Variants in CBX5 observed in about 807,000 individuals in gnomAD.
CBX5 encodes the protein chromobox protein homolog 5.
CBX5 carries 7 observed loss-of-function variants against 20.7 expected under a neutral mutation model. The observed-to-expected ratio is 0.34, with a 90% CI of 0.19 to 0.63. The LOEUF is 0.63. CBX5 is among the 30% of genes least tolerant of loss of function. The pLI is 0.75. For missense variants in CBX5, 110 were observed against 224.1 expected (o/e 0.49, Z 3.25); for synonymous variants, 78 against 77.0 (o/e 1.01, Z -0.07).
At chr12:54,263,159 C>T (rs1477677538) in intron 1 of CBX5, among the ~76,000 whole-genome samples, 4 of 151,824 alleles carry the variant, frequency 2.6e-5, no homozygotes, top group Middle Eastern at 3.4e-3. Flanking sequence ...TCAGGAGTTC[C>T]AGACCAACCT....
intron 1 of CBX5, among the ~76,000 whole-genome samples, chr12:54,260,178 AAAC>A (rs1213491197): frequency 9.9e-5 from 15 of 151,914 alleles, no homozygotes; most frequent in African/African-American, 3.4e-4. Flanking sequence ...AAAAAAAAAA[AAAC>A]CCCTTTTAAC....
intron 1 of CBX5, among the ~76,000 whole-genome samples, chr12:54,269,300 C>G (rs1181990836): frequency 6.6e-6 from 1 of 152,120 alleles, no homozygotes; most frequent in East Asian, 1.9e-4. Context: ...AGCGTTCCTG[C>G]TTCTGTTTTC....
At chr12:54,275,568 C>T (rs977442921) in intron 1 of CBX5, among the ~76,000 whole-genome samples, 1 of 151,950 alleles carries the variant, frequency 6.6e-6, no homozygotes, top group African/African-American at 2.4e-5. Flanking sequence ...TAAGCACAAG[C>T]GTTATAACTT....
chr12:54,257,176 T>A (rs1943869255), intron 2 of CBX5, among the ~76,000 whole-genome samples: 1 of 152,154 alleles, frequency 6.6e-6, no homozygotes, highest in African/African-American at 2.4e-5. Flanking sequence ...CTACTGCTTA[T>A]CCTTATTTCA....
In CBX5 at chr12:54,241,797, A is replaced by T; in HGVS notation, c.534T>A (p.Pro178=). Residue 178 remains proline (P), a synonymous_variant, in exon 5 of 5, where the codon CCT becomes CCA. Transcript: ENST00000209875. Reference sequence around the variant, plus strand: ...CTTTCTCTTTGTTTTCCGCATCCTCAGGATATGCATGCCATGTCAGTCTCT... The same window carrying T: ...CTTTCTCTTTGTTTTCCGCATCCTCTGGATATGCATGCCATGTCAGTCTCT... ...YEERLTWHAY[P]EDAENKEKET... 1.9e-6 allele frequency: 3 copies of T among 1,612,906 alleles called. No homozygotes were observed. Among genetic ancestry groups the T allele is most frequent in the Non-Finnish European group, 2.5e-6 (3 of 1,179,802 alleles).
intron 1 of CBX5, among the ~76,000 whole-genome samples, chr12:54,268,803 C>T (rs1943981060): frequency 6.6e-6 from 1 of 152,102 alleles, no homozygotes; most frequent in Non-Finnish European, 1.5e-5. Context: ...ACATGTGGGT[C>T]CTAACCCAAC....
In CBX5 at chr12:54,236,396, G is replaced by A. The variant is rs944379122; in HGVS notation, c.*5359C>T. 5.3e-5 allele frequency: 8 copies of A among 152,196 alleles called. No individual in the cohort carries two copies. Among genetic ancestry groups the A allele is most frequent in the Non-Finnish European group, 1.0e-4 (7 of 68,034 alleles). 9.4% of individuals were successfully genotyped at this position (152,196 alleles called of 1,614,324 possible). ...TCTGTTGAATGAAACCAATGTTGAT[G>A]TACAGCAATGTGGCTGGAATTTAGA... On this transcript the variant is annotated 3_prime_UTR_variant, in exon 5 of 5. Coordinates refer to ENST00000209875, the MANE Select transcript of CBX5 (RefSeq NM_012117.3).
intron 1 of CBX5, among the ~76,000 whole-genome samples, chr12:54,268,941 A>G (rs140095465): frequency 1.1e-3 from 160 of 152,342 alleles, no homozygotes; most frequent in African/African-American, 3.7e-3. Context: ...AATAGAAGTT[A>G]AATGTCTGAT....
intron 1 of CBX5, among the ~76,000 whole-genome samples, chr12:54,261,365 C>T (rs1943915089): frequency 6.6e-6 from 1 of 151,216 alleles, no homozygotes; most frequent in African/African-American, 2.4e-5. Context: ...GGCGCCATCT[C>T]GGCTTACTGC....
At chr12:54,263,057 G>C (rs561140902) in intron 1 of CBX5, 2 of 152,454 alleles carry the variant, frequency 1.3e-5, no homozygotes, top group Admixed American at 1.3e-4. Flanking sequence ...CAGCACCTAA[G>C]GCCCATTGAG....
At chr12:54,274,645 A>C (rs1348524791) in intron 1 of CBX5, among the ~76,000 whole-genome samples, 1 of 152,182 alleles carries the variant, frequency 6.6e-6, no homozygotes, top group South Asian at 2.1e-4. Flanking sequence ...TATGTGGTTA[A>C]AGACCTCAAT....
chr12:54,271,317 G>T (rs1944007311), intron 1 of CBX5, among the ~76,000 whole-genome samples: 1 of 151,896 alleles, frequency 6.6e-6, no homozygotes, highest in Non-Finnish European at 1.5e-5. Flanking sequence ...GCAGATGTCT[G>T]TTATTTCCTT....
rs992544385 is a variant in CBX5 at position 54,252,510 on chromosome 12, A to G, written c.138-283T>C. The G allele has an allele frequency of 3.0e-5, 10 of 335,464 alleles. 1 individual carries two copies. In the East Asian group the frequency reaches 5.4e-4, roughly 18 times the overall value. The allele number at this position is 335,464 out of a possible 1,614,324, so 20.8% of individuals were successfully genotyped here. A position where few individuals can be genotyped will look rare whatever the true frequency, so the allele number is the denominator to read the frequency against. ...CATCAATGGATGGTGACATGGAAAA[A>G]CAAAATGTGGTATATCCATACAAAG... On this transcript the variant is annotated intron_variant, in intron 2 of 4. Transcript: ENST00000209875.
intron 1 of CBX5, 57 bp from the exon 2 acceptor site, chr12:54,257,749 C>T (rs1592160027): frequency 7.2e-7 from 1 of 1,385,274 alleles, no homozygotes. Context: ...AAAACTTTGT[C>T]TTTTCTTGAT....
At chr12:54,243,730 GTGGTGGCACATGCC>G (rs1298131184) in intron 4 of CBX5, among the ~76,000 whole-genome samples, 3 of 151,820 alleles carry the variant, frequency 2.0e-5, no homozygotes, top group Non-Finnish European at 4.4e-5. Flanking sequence ...TTGCCCAGGT[GTGGTGGCACATGCC>G]TATAATCCCA....
chr12:54,243,246 T>C (rs1227962830), intron 4 of CBX5, among the ~76,000 whole-genome samples: 1 of 152,076 alleles, frequency 6.6e-6, no homozygotes, highest in African/African-American at 2.4e-5. Context: ...TTAATGTTAA[T>C]GTAAATTGTA....
intron 1 of CBX5, among the ~76,000 whole-genome samples, chr12:54,265,857 G>A (rs1249693244): frequency 2.0e-5 from 3 of 152,040 alleles, no homozygotes; most frequent in Non-Finnish European, 2.9e-5. Flanking sequence ...GACCAGCGTG[G>A]CCAACATGGT....
At chr12:54,242,676 T>C (rs1943690473) in intron 4 of CBX5, among the ~76,000 whole-genome samples, 1 of 152,110 alleles carries the variant, frequency 6.6e-6, no homozygotes. Context: ...ATTACCCCTC[T>C]GGCCAGAACT....
intron 4 of CBX5, among the ~76,000 whole-genome samples, chr12:54,244,877 C>T (rs1339817510): frequency 6.6e-6 from 1 of 152,132 alleles, no homozygotes; most frequent in Non-Finnish European, 1.5e-5. Context: ...CATTATTCAG[C>T]AGGTTTGGCC....
Sources: gnomAD v4.1 joint callset for allele counts (sites outside exome capture counted in the v4.1 genomes callset) on GRCh38, gnomAD v4.1.1 for gene constraint, MANE v1.5 for transcripts, NCBI Gene and HGNC (gene_info 2026-07-23, HGNC 2026-07-21) for gene names.